The following CDV3 variants were observed in gnomAD, a reference collection of about 807,000 sequenced individuals.
CDV3 encodes protein CDV3 homolog.
In CDV3, 14 loss-of-function variants were observed where a neutral mutation model predicts 24.5. That is an observed-to-expected ratio of 0.57 (90% confidence interval 0.38 to 0.89). CDV3 has a LOEUF of 0.89. CDV3 is among the 40% of genes least tolerant of loss of function. The pLI, the probability that CDV3 is intolerant of heterozygous loss-of-function variation, is 0.00. For missense variants in CDV3, 304 were observed against 310.2 expected (o/e 0.98, Z 0.15); for synonymous variants, 114 against 114.1 (o/e 1.00, Z 0.00).
chr3:133,587,765 C>G, intron 4 of CDV3, 131 bp from the exon 5 acceptor site: 1 of 1,440,568 alleles, frequency 6.9e-7, no homozygotes, highest in Admixed American at 2.9e-5. Flanking sequence ...TAAGGATTTT[C>G]TATATGCCTC....
intron 1 of CDV3, 157 bp downstream of exon 1, chr3:133,574,441 G>A: frequency 3.0e-6 from 3 of 985,844 alleles, no homozygotes; most frequent in Non-Finnish European, 3.6e-6. Flanking sequence ...CTCGGGCTGG[G>A]CTCGCCAGGG....
chr3:133,575,821 A>G (rs2074783482), intron 2 of CDV3, among the ~76,000 whole-genome samples: 1 of 152,270 alleles, frequency 6.6e-6, no homozygotes, highest in African/African-American at 2.4e-5. Context: ...AGTCTATGGC[A>G]GTCAACTTTA....
rs1275083954 is a variant in CDV3 at position 133,574,617 on chromosome 3, G to C, written c.240+333G>C. The C allele has an allele frequency of 1.1e-5, 11 of 1,008,132 alleles. No homozygotes were observed. The African/African-American group carries it at 1.6e-4, about 14-fold the overall frequency. 62.4% of individuals were successfully genotyped at this position (1,008,132 alleles called of 1,614,324 possible). ...GGTGACGTCTAGGCTGAGTAATTCCGTGTGCTGACCTCAGCCCAGTAGTTT... is the reference window on the plus strand; with the variant it reads ...GGTGACGTCTAGGCTGAGTAATTCCCTGTGCTGACCTCAGCCCAGTAGTTT... On this transcript the variant is annotated intron_variant, in intron 1 of 4. Coordinates refer to ENST00000264993, the MANE Select transcript of CDV3 (RefSeq NM_017548.5).
chr3:133,587,664 A>G, intron 4 of CDV3: 2 of 1,270,276 alleles, frequency 1.6e-6, no homozygotes, highest in Non-Finnish European at 2.0e-6. Flanking sequence ...ATAGGGTCAC[A>G]GTTAATACTG....
Position 133,588,997 on chromosome 3 carries a change from C to T in CDV3, c.*951C>T, listed in dbSNP as rs1186243779. 1 of 152,526 alleles carries T rather than the reference C, an allele frequency of 6.6e-6. No individual in the cohort carries two copies. The highest frequency in any genetic ancestry group is 2.4e-5 in the African/African-American group (1 of 41,376). 9.4% of individuals were successfully genotyped at this position (152,526 alleles called of 1,614,324 possible). ...CAATCCTGAGGGTGGAACCAAATAG[C>T]CTTTGATGAAAAGGGCAGTGGATTC... On this transcript the variant is annotated 3_prime_UTR_variant, in exon 5 of 5. Coordinates refer to ENST00000264993, the MANE Select transcript of CDV3 (RefSeq NM_017548.5).
At chr3:133,577,743 G>A (rs958177172) in intron 2 of CDV3, among the ~76,000 whole-genome samples, 6 of 152,150 alleles carry the variant, frequency 3.9e-5, no homozygotes, top group Non-Finnish European at 8.8e-5. Context: ...CATTTGAAAG[G>A]GGAAATTTTT....
In CDV3 at chr3:133,588,473, A is replaced by G; in HGVS notation, c.*427A>G. On this transcript the variant is annotated 3_prime_UTR_variant, in exon 5 of 5. Transcript: ENST00000264993. ...ATTAAGTGTCGATGTGAACCTTGCAACCAGCTCTACTGGATTCTTATCAGA... is the reference window on the plus strand; with the variant it reads ...ATTAAGTGTCGATGTGAACCTTGCAGCCAGCTCTACTGGATTCTTATCAGA... The G allele has an allele frequency of 9.2e-7, 1 of 1,082,198 alleles. No homozygotes were observed. The highest frequency in any genetic ancestry group is 1.4e-6 in the Non-Finnish European group (1 of 738,732). 67.0% of individuals were successfully genotyped at this position (1,082,198 alleles called of 1,614,324 possible). A position where few individuals can be genotyped will look rare whatever the true frequency, so the allele number is the denominator to read the frequency against.
chr3:133,582,803 A>G (rs1933177310), intron 2 of CDV3, among the ~76,000 whole-genome samples: 1 of 152,132 alleles, frequency 6.6e-6, no homozygotes, highest in South Asian at 2.1e-4. Flanking sequence ...ATTTTATGAA[A>G]ATGTTGGTAG....
In CDV3 at chr3:133,587,963, A is replaced by G. The variant is rs1017576252; in HGVS notation, c.694A>G (p.Lys232Glu). ...AAATAGAGGTAGGGATGAGGTTTCAAAAAACCAGGCCCTTAAACTTCAGCT... is the reference window on the plus strand; with the variant it reads ...AAATAGAGGTAGGGATGAGGTTTCAGAAAACCAGGCCCTTAAACTTCAGCT... Reference protein sequence around the residue: ...HKNRGRDEVSKNQALKLQLDN... With the variant: ...HKNRGRDEVSENQALKLQLDN... Residue 232 changes from lysine (K) to glutamate (E), a missense_variant, in exon 5 of 5, where the codon AAA (lysine) becomes GAA (glutamate). Physicochemically the swap from Lys to Glu is moderately conservative, Grantham distance 56. Transcript: ENST00000264993. The G allele has an allele frequency of 5.0e-6, 8 of 1,614,052 alleles. No homozygotes were observed. In the African/African-American group the frequency reaches 1.1e-4, roughly 22 times the overall value.
At position 133,588,431 on chromosome 3, in the gene CDV3, A is replaced by G; in HGVS notation, c.*385A>G. 1.4e-6 allele frequency: 2 copies of G among 1,425,208 alleles called. No homozygotes were observed. The highest frequency in any genetic ancestry group is 1.9e-6 in the Non-Finnish European group (2 of 1,046,472). The allele number at this position is 1,425,208 out of a possible 1,614,324, so 88.3% of individuals were successfully genotyped here. A position where few individuals can be genotyped will look rare whatever the true frequency, so the allele number is the denominator to read the frequency against. On this transcript the variant is annotated 3_prime_UTR_variant, in exon 5 of 5. Transcript: ENST00000264993. ...ACTTCATGTGGATCACAACTTCTGG[A>G]TAAGAAGATTACAACTATTAAGTGT...
intron 2 of CDV3, among the ~76,000 whole-genome samples, chr3:133,577,244 G>A (rs1576637584): frequency 6.6e-6 from 1 of 152,072 alleles, no homozygotes; most frequent in East Asian, 1.9e-4. Context: ...CTGCAACACT[G>A]AGAAACACTC....
chr3:133,574,141 G>C lies in CDV3; in HGVS notation c.97G>C (p.Gly33Arg). Residue 33 changes from glycine (G) to arginine (R), a missense_variant, in exon 1 of 5, where the codon GGC (glycine) becomes CGC (arginine). Gly to Arg is a moderately radical substitution (Grantham distance 125). This residue lies in a region of CDV3 where 219 missense variants were observed against 203.6 expected (regional missense o/e 1.08). Coordinates refer to ENST00000264993, the MANE Select transcript of CDV3 (RefSeq NM_017548.5). ...ERSNRAASAAGAAGSAGGSSG... is the reference protein window; with the variant it reads ...ERSNRAASAARAAGSAGGSSG... ...GAGCAACCGGGCGGCGAGTGCCGCGGGCGCAGCGGGCAGCGCCGGCGGAAG... is the reference window on the plus strand; with the variant it reads ...GAGCAACCGGGCGGCGAGTGCCGCGCGCGCAGCGGGCAGCGCCGGCGGAAG... 8.4e-7 allele frequency: 1 copy of C among 1,188,258 alleles called. No homozygotes were observed. The highest frequency in any genetic ancestry group is 1.6e-5 in the South Asian group (1 of 61,716). The allele number at this position is 1,188,258 out of a possible 1,614,324, so 73.6% of individuals were successfully genotyped here.
chr3:133,581,725 C>T (rs1359526507), intron 2 of CDV3, among the ~76,000 whole-genome samples: 1 of 152,186 alleles, frequency 6.6e-6, no homozygotes, highest in Non-Finnish European at 1.5e-5. Context: ...GTCATACATT[C>T]TAGCACCCAG....
chr3:133,586,480 T>C, intron 3 of CDV3, 83 bp from the exon 4 acceptor site: 1 of 724,930 alleles, frequency 1.4e-6, no homozygotes, highest in Non-Finnish European at 2.4e-6. Flanking sequence ...TCTATAATTG[T>C]TAAATGATTG....
Position 133,575,113 on chromosome 3 carries a change from A to G in CDV3, c.315A>G (p.Ile105Met). ...YSGLRVQAMQ[I>M]SSEKEEDDNE... ...GCCTCAGGGTTCAGGCAATGCAAAT[A>G]AGGTATAGTCTGGTTACAAATGTGT... Residue 105 changes from isoleucine (I) to methionine (M), a missense_variant and splice_region_variant, in exon 2 of 5, where the codon ATA becomes ATG. This residue lies in a region of CDV3 where 219 missense variants were observed against 203.6 expected (regional missense o/e 1.08). Coordinates refer to ENST00000264993, the MANE Select transcript of CDV3 (RefSeq NM_017548.5). The G allele has an allele frequency of 6.6e-7, 1 of 1,524,648 alleles. No homozygotes were observed. The highest frequency in any genetic ancestry group is 9.1e-7 in the Non-Finnish European group (1 of 1,098,186). The allele number at this position is 1,524,648 out of a possible 1,614,324, so 94.4% of individuals were successfully genotyped here.
At chr3:133,584,625 CAGCTG>C (rs1344012407) in intron 3 of CDV3, among the ~76,000 whole-genome samples, 1 of 152,118 alleles carries the variant, frequency 6.6e-6, no homozygotes, top group African/African-American at 2.4e-5. Context: ...ATATTTTTGA[CAGCTG>C]AGTAAAGACA....
chr3:133,575,699 C>T (rs1028453031), intron 2 of CDV3, among the ~76,000 whole-genome samples: 15 of 152,102 alleles, frequency 9.9e-5, no homozygotes, highest in Non-Finnish European at 1.8e-4. Context: ...TCTAAAACTT[C>T]ATAGGAATGG....
rs200297208 is a variant in CDV3 at position 133,575,132 on chromosome 3, A to G, written c.317+17A>G. On this transcript the variant is annotated intron_variant, in intron 2 of 4. Transcript: ENST00000264993. ...GCAAATAAGGTATAGTCTGGTTACA[A>G]ATGTGTTTAGATAACCTTTGGGATA... 349 of 1,394,274 alleles carry G rather than the reference A, an allele frequency of 2.5e-4. 1 individual carries two copies. The African/African-American group carries it at 4.4e-3, about 18-fold the overall frequency. The allele number at this position is 1,394,274 out of a possible 1,614,324, so 86.4% of individuals were successfully genotyped here.
Position 133,588,555 on chromosome 3 carries a change from T to G in CDV3, c.*509T>G, listed in dbSNP as rs1032478976. On this transcript the variant is annotated 3_prime_UTR_variant, in exon 5 of 5. Coordinates refer to ENST00000264993, the MANE Select transcript of CDV3 (RefSeq NM_017548.5). ...CTGATCTGCTGTAAAAGATGAAGAT[T>G]TAAGTGACCTTAATTAACCTGTCCT... The G allele has an allele frequency of 6.4e-6, 4 of 629,182 alleles. No homozygotes were observed. Among genetic ancestry groups the G allele is most frequent in the Non-Finnish European group, 1.1e-5 (4 of 359,714 alleles). 39.0% of individuals were successfully genotyped at this position (629,182 alleles called of 1,614,324 possible). A position where few individuals can be genotyped will look rare whatever the true frequency, so the allele number is the denominator to read the frequency against.
Sources: gnomAD v4.1 joint callset for allele counts (sites outside exome capture counted in the v4.1 genomes callset) on GRCh38, gnomAD v4.1.1 for gene constraint, gnomAD v4.1.1 regional missense constraint, MANE v1.5 for transcripts, NCBI Gene and HGNC (gene_info 2026-07-23, HGNC 2026-07-21) for gene names.